Variants in TUBA4A observed in about 807,000 individuals in gnomAD.
The protein encoded by TUBA4A is tubulin alpha 4a.
A neutral mutation model predicts 34.3 loss-of-function variants in TUBA4A; 23 were observed. The observed-to-expected ratio is 0.67, with a 90% CI of 0.48 to 0.95. The LOEUF (loss-of-function observed/expected upper bound fraction) is 0.95, where lower values mean the gene tolerates loss of function less well. TUBA4A is among the 40% of genes least tolerant of loss of function. TUBA4A has a pLI of 0.00. For synonymous variants in TUBA4A, 216 were observed against 230.5 expected (o/e 0.94, Z 0.57); for missense variants, 279 against 599.0 (o/e 0.47, Z 5.58).
At chr2:219,254,479 C>T (rs1203939288), upstream of TUBA4A, 1 of 152,300 alleles carries the variant, frequency 6.6e-6, no homozygotes, top group Non-Finnish European at 1.5e-5. Flanking sequence ...CAGAACTGCA[C>T]AGCCTGAGCC....
At position 219,250,437 on chromosome 2, in the gene TUBA4A, G is replaced by A; in HGVS notation, c.1262C>T (p.Ala421Val). ...CTCCAGGGCAGCCATATCCTCACGG[G>A]CCTCGGAGAACTCACCCTCCTCCAT... ...EGMEEGEFSE[A>V]REDMAALEKD... Residue 421 changes from alanine to valine, a missense_variant, in exon 4 of 4, where the codon GCC becomes GTC. By Grantham distance (64) the Ala-to-Val change is moderately conservative. Coordinates refer to ENST00000248437, the MANE Select transcript of TUBA4A (RefSeq NM_006000.3). The surrounding 1 kb of genome is among the most constrained non-coding windows in gnomAD (Gnocchi z 8.4). 1 of 1,614,196 alleles carries A rather than the reference G, an allele frequency of 6.2e-7. No individual in the cohort carries two copies. Among genetic ancestry groups the A allele is most frequent in the Non-Finnish European group, 8.5e-7 (1 of 1,180,028 alleles).
chr2:219,254,037 C>A, upstream of TUBA4A: 1 of 557,366 alleles, frequency 1.8e-6, no homozygotes. Flanking sequence ...GTAAGCGGCC[C>A]CCCCGAGGGG....
chr2:219,252,769 G>A lies in TUBA4A; in HGVS notation c.4-539C>T, dbSNP rs1365138202. The A allele has an allele frequency of 2.1e-6, 1 of 471,624 alleles. No individual in the cohort carries two copies. The highest frequency in any genetic ancestry group is 4.4e-6 in the Non-Finnish European group (1 of 227,616). 29.2% of individuals were successfully genotyped at this position (471,624 alleles called of 1,614,324 possible). A position where few individuals can be genotyped will look rare whatever the true frequency, so the allele number is the denominator to read the frequency against. ...CCCCACCTCCACCCCCGCACCCTGGGTGTCTTCACCACTTTCATCTCCCGT... is the reference window on the plus strand; with the variant it reads ...CCCCACCTCCACCCCCGCACCCTGGATGTCTTCACCACTTTCATCTCCCGT... On this transcript the variant is annotated intron_variant, in intron 1 of 3. Transcript: ENST00000248437. The surrounding 1 kb of genome is among the most constrained non-coding windows in gnomAD (Gnocchi z 4.1).
At chr2:219,253,586 G>GT (rs1370925902) in intron 1 of TUBA4A, among the ~76,000 whole-genome samples, 1 of 152,184 alleles carries the variant, frequency 6.6e-6, no homozygotes, top group Non-Finnish European at 1.5e-5. Context: ...ACAAATGCTC[G>GT]TAAGGCAGGA....
In TUBA4A at chr2:219,251,213, G is replaced by T; in HGVS notation, c.486C>A (p.Gly162=). The change falls in exon 4 of 4, where the codon GGC becomes GGA. Residue 162 remains glycine (G), a synonymous_variant. Transcript: ENST00000248437. The surrounding 1 kb of genome is among the most constrained non-coding windows in gnomAD (Gnocchi z 6.1). ...LLMERLSVDY[G]KKSKLEFSIY... is the part of the protein sequence containing the mutation. ...TGGAGAATTCCAGCTTGGATTTCTT[G>T]CCATAGTCAACAGAGAGCCGCTCCA... is the stretch of plus-strand genomic sequence containing the variant. 1 of 1,614,096 alleles carries T rather than the reference G, an allele frequency of 6.2e-7. No homozygotes were observed. The highest frequency in any genetic ancestry group is 8.5e-7 in the Non-Finnish European group (1 of 1,180,030).
intron 1 of TUBA4A, chr2:219,253,162 G>A: frequency 6.6e-7 from 1 of 1,522,338 alleles, no homozygotes; most frequent in Non-Finnish European, 8.9e-7. Flanking sequence ...CCGCTCCTGG[G>A]CTATAAATAC....
chr2:219,253,867 C>T lies in TUBA4A; in HGVS notation c.-9G>A, dbSNP rs893643054. 2 of 1,460,462 alleles carry T rather than the reference C, an allele frequency of 1.4e-6. No individual in the cohort carries two copies. The highest frequency in any genetic ancestry group is 1.8e-6 in the Non-Finnish European group (2 of 1,107,046). The allele number at this position is 1,460,462 out of a possible 1,614,324, so 90.5% of individuals were successfully genotyped here. ...CGGGCCGCACTCACCATGGTGAGTC[C>T]GGGCGGTGCGTCTCACGTTGAGTCG... On this transcript the variant is annotated 5_prime_UTR_variant, in exon 1 of 4. Coordinates refer to ENST00000248437, the MANE Select transcript of TUBA4A (RefSeq NM_006000.3).
At position 219,251,952 on chromosome 2, in the gene TUBA4A, G is replaced by A. The variant is rs753604783; in HGVS notation, c.226+56C>T. ...TGGTCTAAATACCCTCTCTCTCCAG[G>A]GAGAAGCTTTGAGTCATGCTCCACC... is the stretch of plus-strand genomic sequence containing the variant. On this transcript the variant is annotated intron_variant, in intron 2 of 3. Transcript: ENST00000248437. This position sits in a 1 kb window ranked among gnomAD's most constrained non-coding sequence, Gnocchi z 6.1. 26 of 1,562,120 alleles carry A rather than the reference G, an allele frequency of 1.7e-5. No individual in the cohort carries two copies. Among genetic ancestry groups the A allele is most frequent in the Non-Finnish European group, 2.2e-5 (25 of 1,136,102 alleles).
chr2:219,251,697 G>C lies in TUBA4A; in HGVS notation c.243C>G (p.Gly81=). Residue 81 remains glycine, a synonymous_variant, in exon 3 of 4, where the codon GGC becomes GGG. Coordinates refer to ENST00000248437, the MANE Select transcript of TUBA4A (RefSeq NM_006000.3). This position sits in a 1 kb window ranked among gnomAD's most constrained non-coding sequence, Gnocchi z 6.1. ...EPTVIDEIRN[G]PYRQLFHPEQ... ...CTGGGTGGAAGAGCTGTCGGTATGG[G>C]CCATTTCGGATCTCATCTGGAAGGG... 1.2e-6 allele frequency: 2 copies of C among 1,613,760 alleles called. No homozygotes were observed. Among genetic ancestry groups the C allele is most frequent in the Non-Finnish European group, 1.7e-6 (2 of 1,179,816 alleles).
chr2:219,254,012 A>T (rs984081092), upstream of TUBA4A: 1 of 744,852 alleles, frequency 1.3e-6, no homozygotes, highest in Non-Finnish European at 2.0e-6. Context: ...CCCGCAGGCC[A>T]CGCCTCCCGG....
At chr2:219,253,117 T>C in intron 1 of TUBA4A, 4 of 1,481,904 alleles carry the variant, frequency 2.7e-6, no homozygotes, top group Non-Finnish European at 3.7e-6. Flanking sequence ...TTTACAGTTA[T>C]TTCCCAGCCC....
At chr2:219,253,498 G>A (rs1297980845) in intron 1 of TUBA4A, 21 of 1,208,138 alleles carry the variant, frequency 1.7e-5, no homozygotes, top group Admixed American at 4.0e-5. Flanking sequence ...GGATGTAAGA[G>A]GGCAGCCAAA....
At chr2:219,253,754 C>T (rs1951688066) in intron 1 of TUBA4A, 102 bp downstream of exon 1, 8 of 1,410,078 alleles carry the variant, frequency 5.7e-6, no homozygotes, top group Non-Finnish European at 7.7e-6. Flanking sequence ...CCTGGAGACC[C>T]GGAACGCCCG....
upstream of TUBA4A, chr2:219,254,595 G>A (rs1951701328): frequency 6.6e-6 from 1 of 152,220 alleles, no homozygotes; most frequent in South Asian, 2.1e-4. Context: ...CCGCGGGTCA[G>A]TGGCGCTGTC....
intron 1 of TUBA4A, 101 bp downstream of exon 1, chr2:219,253,755 G>T: frequency 7.1e-7 from 1 of 1,417,514 alleles, no homozygotes. Flanking sequence ...CTGGAGACCC[G>T]GAACGCCCGG....
chr2:219,250,241 G>T lies in TUBA4A; in HGVS notation c.*111C>A. 7.0e-7 allele frequency: 1 copy of T among 1,435,678 alleles called. No individual in the cohort carries two copies. The highest frequency in any genetic ancestry group is 9.5e-7 in the Non-Finnish European group (1 of 1,056,672). 88.9% of individuals were successfully genotyped at this position (1,435,678 alleles called of 1,614,324 possible). A position where few individuals can be genotyped will look rare whatever the true frequency, so the allele number is the denominator to read the frequency against. ...AACAGAGCAGCAGCAGCATGAAGGG[G>T]AAGGCAGCAGAAGCTCAAGCACTCA... On this transcript the variant is annotated 3_prime_UTR_variant, in exon 4 of 4. Coordinates refer to ENST00000248437, the MANE Select transcript of TUBA4A (RefSeq NM_006000.3). The surrounding 1 kb of genome is among the most constrained non-coding windows in gnomAD (Gnocchi z 8.4).
In TUBA4A at chr2:219,252,962, A is replaced by G; in HGVS notation, c.4-732T>C. The G allele has an allele frequency of 3.9e-6, 2 of 507,196 alleles. No individual in the cohort carries two copies. The highest frequency in any genetic ancestry group is 7.8e-6 in the Non-Finnish European group (2 of 256,628). 31.4% of individuals were successfully genotyped at this position (507,196 alleles called of 1,614,324 possible). On this transcript the variant is annotated intron_variant, in intron 1 of 3. Transcript: ENST00000248437. This position sits in a 1 kb window ranked among gnomAD's most constrained non-coding sequence, Gnocchi z 4.1. ...CCGGCAGGGCCCGCGCGCTCTTCCC[A>G]CACCGAAATGGCGGGGTGACGGTTT...
Position 219,252,047 on chromosome 2 carries a change from G to A in TUBA4A, c.187C>T (p.Pro63Ser). The A allele has an allele frequency of 6.2e-7, 1 of 1,614,124 alleles. No homozygotes were observed. Among genetic ancestry groups the A allele is most frequent in the Non-Finnish European group, 8.5e-7 (1 of 1,180,014 alleles). Residue 63 changes from proline (P) to serine (S), a missense_variant, in exon 2 of 4, where the codon CCC (proline) becomes TCC (serine). Pro to Ser is a moderately conservative substitution (Grantham distance 74). This residue lies in a region of TUBA4A where 98 missense variants were observed against 171.1 expected (regional missense o/e 0.57). Transcript: ENST00000248437. This position sits in a 1 kb window ranked among gnomAD's most constrained non-coding sequence, Gnocchi z 4.1. ...FCETGAGKHV[P>S]RAVFVDLEPT... Reference sequence around the variant, plus strand: ...TCCAGATCCACAAAAACTGCCCGGGGTACGTGTTTTCCAGCACCAGTTTCA... The same window carrying A: ...TCCAGATCCACAAAAACTGCCCGGGATACGTGTTTTCCAGCACCAGTTTCA...
chr2:219,253,671 A>T (rs556273927), intron 1 of TUBA4A, among the ~76,000 whole-genome samples, 185 bp downstream of exon 1: 1 of 152,284 alleles, frequency 6.6e-6, no homozygotes, highest in East Asian at 1.9e-4. Flanking sequence ...CCAGCCACCG[A>T]AGGTGAACTA....
Sources: allele counts gnomAD v4.1 joint callset (sites outside exome capture counted in the v4.1 genomes callset), GRCh38; gene constraint gnomAD v4.1.1; regional missense constraint gnomAD v4.1.1; non-coding constraint Gnocchi (gnomAD v3.1); transcripts MANE v1.5; gene names NCBI Gene and HGNC (gene_info 2026-07-23, HGNC 2026-07-21).